The following THSD4 variants were observed in gnomAD, a reference collection of about 807,000 sequenced individuals.
The protein encoded by THSD4 is thrombospondin type 1 domain containing 4, also known as thrombospondin type-1 domain-containing protein 4.
THSD4 carries 69 observed loss-of-function variants against 119.0 expected under a neutral mutation model. That is an observed-to-expected ratio of 0.58 (90% confidence interval 0.48 to 0.71). The LOEUF (loss-of-function observed/expected upper bound fraction) is 0.71, where lower values mean the gene tolerates loss of function less well. Among genes scored for constraint, THSD4 ranks in the 30% least tolerant of loss-of-function variants. THSD4 has a pLI of 0.00. For missense variants in THSD4, 1,393 were observed against 1,391.1 expected (o/e 1.00, Z -0.02); for synonymous variants, 524 against 540.4 (o/e 0.97, Z 0.42).
intron 7 of THSD4, 64 bp downstream of exon 7, chr15:71,411,887 T>G (rs1566974000): frequency 2.5e-6 from 4 of 1,597,688 alleles, no homozygotes; most frequent in Non-Finnish European, 3.4e-6. Context: ...GACTCCATTG[T>G]TTTCCAGGGA....
At chr15:71,630,063 C>A (rs1218354091) in intron 7 of THSD4, among the ~76,000 whole-genome samples, 4 of 152,326 alleles carry the variant, frequency 2.6e-5, no homozygotes, top group Non-Finnish European at 1.5e-5. Context: ...AAACTTATGT[C>A]TTTGTAAGCT....
intron 11 of THSD4, among the ~76,000 whole-genome samples, chr15:71,740,843 C>CTTCTGCAAAGCCTTCCTGA (rs2053220289): frequency 6.6e-6 from 1 of 152,218 alleles, no homozygotes. Flanking sequence ...GAGACCACCT[C>CTTCTGCAAAGCCTTCCTGA]TTCTGCAAAG....
chr15:71,153,628 A>G (rs2040747737), intron 2 of THSD4, among the ~76,000 whole-genome samples: 1 of 152,120 alleles, frequency 6.6e-6, no homozygotes, highest in African/African-American at 2.4e-5. Flanking sequence ...TGGAAGCTTT[A>G]TCTAACTCCA....
chr15:71,497,437 T>C (rs1489010541), intron 7 of THSD4, among the ~76,000 whole-genome samples: 2 of 151,628 alleles, frequency 1.3e-5, no homozygotes, highest in African/African-American at 2.4e-5. Context: ...CGCTTGAGCC[T>C]GGAAGGCAGA....
intron 7 of THSD4, among the ~76,000 whole-genome samples, chr15:71,518,369 T>C (rs59374539): frequency 0.079 from 12,042 of 152,182 alleles, 1,592 homozygotes; most frequent in African/African-American, 0.27. Context: ...TGTGATGATC[T>C]GCTGTCTTTC....
chr15:71,365,856 C>T (rs549571701), intron 6 of THSD4, among the ~76,000 whole-genome samples: 77 of 152,222 alleles, frequency 5.1e-4, no homozygotes, highest in Non-Finnish European at 9.0e-4. Context: ...ATCAAGACTC[C>T]TAGGACCACT....
chr15:71,471,105 C>G (rs951217192), intron 7 of THSD4, among the ~76,000 whole-genome samples: 12 of 152,200 alleles, frequency 7.9e-5, no homozygotes, highest in Non-Finnish European at 1.6e-4. Flanking sequence ...TGATGCCTGT[C>G]GGTTCCTGCA....
chr15:71,633,709 G>A (rs1421807619), intron 7 of THSD4, among the ~76,000 whole-genome samples: 7 of 152,290 alleles, frequency 4.6e-5, no homozygotes, highest in African/African-American at 1.4e-4. Context: ...ATCAAAAATT[G>A]TAAACTTGTC....
intron 6 of THSD4, among the ~76,000 whole-genome samples, chr15:71,282,101 C>A (rs1427397497): frequency 6.6e-6 from 1 of 152,206 alleles, no homozygotes; most frequent in Non-Finnish European, 1.5e-5. Context: ...GCTATTATTA[C>A]TATTTACTGT....
chr15:71,553,644 T>A (rs978575038), intron 7 of THSD4, among the ~76,000 whole-genome samples: 1 of 152,244 alleles, frequency 6.6e-6, no homozygotes, highest in African/African-American at 2.4e-5. Flanking sequence ...GGAATGTTTC[T>A]AATATTTCAT....
At position 71,540,205 on chromosome 15, in the gene THSD4, T is replaced by C. The variant is rs534875420; in HGVS notation, c.1153-120325T>C. On this transcript the variant is annotated intron_variant, in intron 7 of 17. Coordinates refer to ENST00000261862, the MANE Select transcript of THSD4 (RefSeq NM_024817.3). ...CAGGTTGGAGTGCAGTGGTGTGATC[T>C]TGGCTCACTGCAACCTCTGCCTCCT... Among the ~76,000 whole-genome samples the C allele has an allele frequency of 4.0e-5, 6 of 151,202 alleles. No homozygotes were observed. In the East Asian group the frequency reaches 7.8e-4, roughly 20 times the overall value.
chr15:71,536,413 G>GATAATCTAAATA (rs1404671254), intron 7 of THSD4, among the ~76,000 whole-genome samples: 1 of 152,112 alleles, frequency 6.6e-6, no homozygotes, highest in Non-Finnish European at 1.5e-5. Flanking sequence ...TGCCTACCTT[G>GATAATCTAAATA]ATAATCTAAA....
Position 71,777,470 on chromosome 15 carries a change from GCCCAGGCGC to G in THSD4, c.*97_*105del. 1 of 1,491,106 alleles carries G rather than the reference GCCCAGGCGC, an allele frequency of 6.7e-7. No homozygotes were observed. 92.4% of individuals were successfully genotyped at this position (1,491,106 alleles called of 1,614,324 possible). A position where few individuals can be genotyped will look rare whatever the true frequency, so the allele number is the denominator to read the frequency against. On this transcript the variant is annotated 3_prime_UTR_variant, in exon 18 of 18. Transcript: ENST00000261862. ...CTGCTGCTCCACCACGGGCCCCCTG[GCCCAGGCGC>G]TGCCAACCAACTTAGTCACCACCCC...
intron 7 of THSD4, among the ~76,000 whole-genome samples, chr15:71,517,975 G>A (rs932050809): frequency 1.4e-4 from 21 of 152,202 alleles, no homozygotes; most frequent in African/African-American, 4.1e-4. Context: ...TGCTTCATCT[G>A]TTGGCCATGA....
intron 4 of THSD4, among the ~76,000 whole-genome samples, chr15:71,237,099 A>T (rs1387629629): frequency 6.6e-6 from 1 of 152,158 alleles, no homozygotes; most frequent in African/African-American, 2.4e-5. Flanking sequence ...CTGACAAGAG[A>T]TGCAGCAGGA....
chr15:71,547,330 C>T (rs1011333323), intron 7 of THSD4: 28 of 1,538,916 alleles, frequency 1.8e-5, no homozygotes, highest in East Asian at 1.2e-4. Flanking sequence ...GCTGGAATCC[C>T]GAGACACAAG....
chr15:71,584,255 T>TTTC (rs1555429233), intron 7 of THSD4, among the ~76,000 whole-genome samples: 3 of 131,760 alleles, frequency 2.3e-5, no homozygotes, highest in Non-Finnish European at 4.7e-5. Flanking sequence ...ATTTTTTTTT[T>TTTC]CACTTTCTTT....
intron 6 of THSD4, among the ~76,000 whole-genome samples, chr15:71,314,410 G>T (rs1168016414): frequency 6.6e-6 from 1 of 152,036 alleles, no homozygotes; most frequent in African/African-American, 2.4e-5. Flanking sequence ...GGGTCCAAGC[G>T]ATTCTCCTGC....
intron 6 of THSD4, among the ~76,000 whole-genome samples, chr15:71,357,706 A>G (rs1180577084): frequency 6.6e-6 from 1 of 152,220 alleles, no homozygotes; most frequent in Non-Finnish European, 1.5e-5. Flanking sequence ...CATCAGGATC[A>G]CATTCCAGAT....
Sources: gnomAD v4.1 joint callset for allele counts (sites outside exome capture counted in the v4.1 genomes callset) on GRCh38, gnomAD v4.1.1 for gene constraint, MANE v1.5 for transcripts, NCBI Gene and HGNC (gene_info 2026-07-23, HGNC 2026-07-21) for gene names.